CTNNAL1: variants seen among roughly 807,000 people sequenced by gnomAD.
The protein encoded by CTNNAL1 is catenin alpha like 1.
CTNNAL1 carries 69 observed loss-of-function variants against 93.6 expected under a neutral mutation model. The ratio of observed to expected loss-of-function variants is 0.74; its 90% CI spans 0.61 to 0.90. The LOEUF is 0.90. Ranked by LOEUF, CTNNAL1 falls within the 40% of genes least tolerant of loss-of-function variation. The pLI is 0.00. For missense variants in CTNNAL1, 836 were observed against 862.0 expected (o/e 0.97, Z 0.38); for synonymous variants, 286 against 305.4 (o/e 0.94, Z 0.66).
Position 108,944,023 on chromosome 9 carries a change from T to C in CTNNAL1, c.1885-5A>G, listed in dbSNP as rs1473097655. 1 of 1,612,964 alleles carries C rather than the reference T, an allele frequency of 6.2e-7. No individual in the cohort carries two copies. The stretch of plus-strand genomic sequence containing the variant: ...TAAACCCTCTGCAGCAAAAACCTGG[T>C]AGAAAGAGAAAACACCACTATTTTA... On this transcript the variant is annotated splice_region_variant and splice_polypyrimidine_tract_variant and intron_variant, in intron 15 of 18. Coordinates refer to ENST00000325551, the MANE Select transcript of CTNNAL1 (RefSeq NM_003798.4).
At chr9:109,012,414 T>A (rs1293281047) in intron 1 of CTNNAL1, among the ~76,000 whole-genome samples, 1 of 152,184 alleles carries the variant, frequency 6.6e-6, no homozygotes, top group Non-Finnish European at 1.5e-5. Flanking sequence ...GGTTACAACC[T>A]AGATGTGAGT....
At chr9:108,990,434 T>C (rs1831755578) in intron 4 of CTNNAL1, among the ~76,000 whole-genome samples, 1 of 152,148 alleles carries the variant, frequency 6.6e-6, no homozygotes, top group Admixed American at 6.5e-5. Context: ...GAAAGCTTCA[T>C]AAAAGAGAAA....
intron 15 of CTNNAL1, among the ~76,000 whole-genome samples, chr9:108,944,596 G>T (rs1186904179): frequency 6.6e-6 from 1 of 152,130 alleles, no homozygotes; most frequent in African/African-American, 2.4e-5. Flanking sequence ...GAAGTAGAGT[G>T]AAAAAGAAGG....
Position 108,943,060 on chromosome 9 carries a change from G to A in CTNNAL1, c.2056-16C>T. On this transcript the variant is annotated splice_polypyrimidine_tract_variant and intron_variant, in intron 17 of 18. Coordinates refer to ENST00000325551, the MANE Select transcript of CTNNAL1 (RefSeq NM_003798.4). ...ACTTGTCAACCTACAATGACAAAAA[G>A]CATGCAAATGATATTCTAAAAGTAG... The A allele has an allele frequency of 1.3e-6, 2 of 1,593,182 alleles. No homozygotes were observed. Among genetic ancestry groups the A allele is most frequent in the Non-Finnish European group, 1.7e-6 (2 of 1,171,442 alleles).
intron 4 of CTNNAL1, 48 bp downstream of exon 4, chr9:108,990,678 A>C (rs974575650): frequency 6.3e-7 from 1 of 1,575,930 alleles, no homozygotes. Flanking sequence ...CATCCAAACT[A>C]AAAAGTATGT....
At chr9:108,984,880 T>A (rs188015262) in intron 4 of CTNNAL1, among the ~76,000 whole-genome samples, 3 of 152,366 alleles carry the variant, frequency 2.0e-5, no homozygotes, top group African/African-American at 7.2e-5. Flanking sequence ...CCTCGTCTAA[T>A]TAATCCCATC....
chr9:108,987,432 C>G (rs945097866), intron 4 of CTNNAL1, among the ~76,000 whole-genome samples: 26 of 152,284 alleles, frequency 1.7e-4, no homozygotes, highest in African/African-American at 5.5e-4. Flanking sequence ...GTTACTGTAG[C>G]CTTGTAGTAT....
At chr9:108,980,614 A>G (rs1831400548) in intron 6 of CTNNAL1, among the ~76,000 whole-genome samples, 1 of 152,118 alleles carries the variant, frequency 6.6e-6, no homozygotes, top group Non-Finnish European at 1.5e-5. Flanking sequence ...TCAGGTGATC[A>G]CTCCATCCTA....
At chr9:108,970,969 C>A (rs1016605955) in intron 9 of CTNNAL1, among the ~76,000 whole-genome samples, 1 of 152,120 alleles carries the variant, frequency 6.6e-6, no homozygotes, top group Non-Finnish European at 1.5e-5. Context: ...TAAGGACAGA[C>A]CCTATATCAG....
intron 2 of CTNNAL1, 29 bp downstream of exon 2, chr9:108,999,038 A>G (rs780089766): frequency 3.8e-6 from 6 of 1,577,142 alleles, no homozygotes; most frequent in Non-Finnish European, 5.2e-6. Flanking sequence ...AAGTGGTATG[A>G]ATAGTCTTCA....
chr9:108,942,935 A>G, intron 18 of CTNNAL1, 26 bp downstream of exon 18: 1 of 1,608,274 alleles, frequency 6.2e-7, no homozygotes, highest in Non-Finnish European at 8.5e-7. Flanking sequence ...TTAAAGTATG[A>G]GTCTAAAATA....
intron 18 of CTNNAL1, 36 bp from the exon 19 acceptor site, chr9:108,942,870 C>T (rs1334490021): frequency 1.2e-6 from 2 of 1,611,804 alleles, no homozygotes; most frequent in Non-Finnish European, 1.7e-6. Flanking sequence ...TCTGGTTTCA[C>T]TCTGAAAAAA....
At position 108,979,357 on chromosome 9, in the gene CTNNAL1, T is replaced by C. The variant is rs746122066; in HGVS notation, c.1025A>G (p.His342Arg). The C allele has an allele frequency of 4.3e-6, 7 of 1,614,096 alleles. No individual in the cohort carries two copies. The highest frequency in any genetic ancestry group is 4.2e-6 in the Non-Finnish European group (5 of 1,180,028). Reference sequence around the variant, plus strand: ...TGACAGTTCCAAGATGCGTTCTCTGTGCTCATGGCTGGTGTAGGCAGAATC... The same window carrying C: ...TGACAGTTCCAAGATGCGTTCTCTGCGCTCATGGCTGGTGTAGGCAGAATC... ...FTDSAYTSHEHRERILELSTQ... is the reference protein window; with the variant it reads ...FTDSAYTSHERRERILELSTQ... Residue 342 changes from histidine (H) to arginine (R), a missense_variant, in exon 7 of 19, where the codon CAC becomes CGC. Physicochemically the swap from His to Arg is conservative, Grantham distance 29. Coordinates refer to ENST00000325551, the MANE Select transcript of CTNNAL1 (RefSeq NM_003798.4).
At chr9:108,972,864 G>GGGGGGGGGGGGGGGGGGCCCCCCCCCCCC in intron 8 of CTNNAL1, 31 bp from the exon 9 acceptor site, 1 of 142,580 alleles carries the variant, frequency 7.0e-6, no homozygotes, top group Non-Finnish European at 1.0e-5. Context: ...GGGGGGGTGG[G>GGGGGGGGGGGGGGGGGGCCCCCCCCCCCC]AGGGTGGAGA....
chr9:108,995,044 C>T (rs1587983632), intron 2 of CTNNAL1, among the ~76,000 whole-genome samples: 1 of 152,286 alleles, frequency 6.6e-6, no homozygotes, highest in African/African-American at 2.4e-5. Context: ...ACACACTGAC[C>T]CTGAGCCACC....
chr9:108,988,624 C>T (rs995862651), intron 4 of CTNNAL1, among the ~76,000 whole-genome samples: 8 of 152,208 alleles, frequency 5.3e-5, no homozygotes, highest in African/African-American at 1.9e-4. Context: ...TTGGCCTGCC[C>T]ACTACCTCTC....
chr9:108,961,177 C>T (rs1830812120), intron 11 of CTNNAL1, among the ~76,000 whole-genome samples: 1 of 152,172 alleles, frequency 6.6e-6, no homozygotes, highest in African/African-American at 2.4e-5. Context: ...ATAGTCATAA[C>T]AGGAGTCATA....
At chr9:108,985,334 G>A (rs1831573922) in intron 4 of CTNNAL1, among the ~76,000 whole-genome samples, 1 of 152,154 alleles carries the variant, frequency 6.6e-6, no homozygotes, top group African/African-American at 2.4e-5. Context: ...AAAACTTTAT[G>A]TATGGACATT....
intron 18 of CTNNAL1, 41 bp downstream of exon 18, chr9:108,942,920 A>AT (rs1830285782): frequency 6.2e-7 from 1 of 1,608,778 alleles, no homozygotes; most frequent in Admixed American, 1.7e-5. Flanking sequence ...CTTTTAAACC[A>AT]TTTTTTAAAG....
Sources: gnomAD v4.1 joint callset for allele counts (sites outside exome capture counted in the v4.1 genomes callset) on GRCh38, gnomAD v4.1.1 for gene constraint, MANE v1.5 for transcripts, NCBI Gene and HGNC (gene_info 2026-07-23, HGNC 2026-07-21) for gene names.